The following GALNT13 variants were observed in gnomAD, a reference collection of about 807,000 sequenced individuals.
GALNT13 encodes the protein polypeptide N-acetylgalactosaminyltransferase 13.
GALNT13 carries 28 observed loss-of-function variants against 64.2 expected under a neutral mutation model. The observed-to-expected ratio is 0.44, with a 90% CI of 0.32 to 0.60. GALNT13 has a LOEUF of 0.60. Ranked by LOEUF, GALNT13 falls within the 20% of genes least tolerant of loss-of-function variation. The pLI, the probability that GALNT13 is intolerant of heterozygous loss-of-function variation, is 0.05. For synonymous variants in GALNT13, 214 were observed against 224.6 expected (o/e 0.95, Z 0.42); for missense variants, 577 against 669.8 (o/e 0.86, Z 1.53).
Position 154,213,789 on chromosome 2 carries a change from G to A in GALNT13, c.312-28241G>A, listed in dbSNP as rs190054470. Among the ~76,000 whole-genome samples, 351 of 152,122 alleles carry A rather than the reference G, an allele frequency of 2.3e-3. 3 individuals carry two copies. The highest frequency in any genetic ancestry group is 6.9e-3 in the African/African-American group (288 of 41,506). On this transcript the variant is annotated intron_variant, in intron 4 of 12. Coordinates refer to ENST00000392825, the MANE Select transcript of GALNT13 (RefSeq NM_052917.4). Reference sequence around the variant, plus strand: ...GCTTCAATAACAGGATTGATGAGACGAATAAATATTTATTCATTATTGTTA... The same window carrying A: ...GCTTCAATAACAGGATTGATGAGACAAATAAATATTTATTCATTATTGTTA...
chr2:153,717,390 C>T, the GALNT13 span, among the ~76,000 whole-genome samples: 21 of 152,242 alleles, frequency 1.4e-4, no homozygotes, highest in Non-Finnish European at 2.6e-4. Flanking sequence ...GAGATTTAAG[C>T]ATCTATTGAG....
chr2:154,199,937 A>T, intron 4 of GALNT13, among the ~76,000 whole-genome samples: 1 of 152,016 alleles, frequency 6.6e-6, no homozygotes, highest in Admixed American at 6.6e-5. Context: ...TATATCCTTG[A>T]TTTTATAATT....
At chr2:153,786,293 A>T in the GALNT13 span, among the ~76,000 whole-genome samples, 2 of 151,938 alleles carry the variant, frequency 1.3e-5, no homozygotes, top group African/African-American at 4.8e-5. Context: ...AACAAAGAAC[A>T]AAGTGCGTAG....
chr2:153,166,421 T>TA, the GALNT13 span, among the ~76,000 whole-genome samples: 15 of 152,244 alleles, frequency 9.9e-5, no homozygotes, highest in South Asian at 3.1e-3. Context: ...GGAATTGTAT[T>TA]AAAAAACATT....
At chr2:153,404,755 TAGA>T in the GALNT13 span, among the ~76,000 whole-genome samples, 1 of 152,222 alleles carries the variant, frequency 6.6e-6, no homozygotes, top group African/African-American at 2.4e-5. Flanking sequence ...AATAAATGTA[TAGA>T]AGTATGCATA....
chr2:154,091,054 C>A (rs2105439080), intron 3 of GALNT13, among the ~76,000 whole-genome samples: 1 of 151,766 alleles, frequency 6.6e-6, no homozygotes, highest in South Asian at 2.1e-4. Flanking sequence ...TCTTAAACTG[C>A]ATAAACAGGT....
At chr2:153,148,917 A>G in the GALNT13 span, among the ~76,000 whole-genome samples, 1 of 151,866 alleles carries the variant, frequency 6.6e-6, no homozygotes, top group Non-Finnish European at 1.5e-5. Context: ...AAAGCAGAGA[A>G]GACAGGACTG....
intron 3 of GALNT13, among the ~76,000 whole-genome samples, chr2:154,121,986 A>G (rs567986323): frequency 3.3e-4 from 50 of 152,164 alleles, no homozygotes; most frequent in African/African-American, 9.1e-4. Context: ...GGTTTTTGTA[A>G]ACATTTTTAT....
chr2:153,895,313 AT>A (rs1164519923), intron 1 of GALNT13, among the ~76,000 whole-genome samples: 2 of 151,912 alleles, frequency 1.3e-5, no homozygotes, highest in Admixed American at 6.6e-5. Context: ...TGTAATGACC[AT>A]TTTTTTCTAT....
chr2:154,187,318 C>T (rs2105745444), intron 4 of GALNT13, among the ~76,000 whole-genome samples: 1 of 150,392 alleles, frequency 6.6e-6, no homozygotes. Flanking sequence ...AAATATTCTC[C>T]AGAAACTTCT....
At chr2:154,416,551 C>T (rs1700015007) in intron 11 of GALNT13, among the ~76,000 whole-genome samples, 1 of 152,090 alleles carries the variant, frequency 6.6e-6, no homozygotes, top group Non-Finnish European at 1.5e-5. Flanking sequence ...ATTCATCCAA[C>T]AAAACCTGAT....
chr2:153,676,901 G>GA, the GALNT13 span, among the ~76,000 whole-genome samples: 2 of 151,786 alleles, frequency 1.3e-5, no homozygotes, highest in Non-Finnish European at 2.9e-5. Context: ...AACCATCTAC[G>GA]AAAAAAACAC....
the GALNT13 span, among the ~76,000 whole-genome samples, chr2:153,196,667 G>A: frequency 6.6e-6 from 1 of 152,024 alleles, no homozygotes; most frequent in Non-Finnish European, 1.5e-5. Context: ...AGGGGCTCCA[G>A]GTTCTCACTG....
chr2:153,258,267 C>T, the GALNT13 span, among the ~76,000 whole-genome samples: 4 of 152,194 alleles, frequency 2.6e-5, no homozygotes, highest in Non-Finnish European at 4.4e-5. Flanking sequence ...ACTTTTAAAT[C>T]GAGCTCAGTG....
the GALNT13 span, among the ~76,000 whole-genome samples, chr2:153,824,062 A>G: frequency 6.6e-6 from 1 of 152,198 alleles, no homozygotes; most frequent in African/African-American, 2.4e-5. Flanking sequence ...CAAAACCACA[A>G]TGAGACATTA....
the GALNT13 span, among the ~76,000 whole-genome samples, chr2:153,453,602 A>C: frequency 6.6e-6 from 1 of 152,228 alleles, no homozygotes; most frequent in Non-Finnish European, 1.5e-5. Context: ...TTATTATTAA[A>C]AAGTCAAACA....
At chr2:153,324,177 G>T in the GALNT13 span, among the ~76,000 whole-genome samples, 1 of 152,092 alleles carries the variant, frequency 6.6e-6, no homozygotes. Context: ...CTTGAGCATT[G>T]CTTTGTAGTT....
chr2:153,979,384 A>T (rs1245279375), intron 3 of GALNT13, among the ~76,000 whole-genome samples: 3 of 152,132 alleles, frequency 2.0e-5, no homozygotes, highest in Non-Finnish European at 4.4e-5. Flanking sequence ...CAATATCTGT[A>T]AGTGAACTAG....
the GALNT13 span, among the ~76,000 whole-genome samples, chr2:153,651,206 G>A: frequency 6.6e-6 from 1 of 152,164 alleles, no homozygotes; most frequent in African/African-American, 2.4e-5. Context: ...AGAAGCAGAA[G>A]TGTTGGGATA....
Sources: allele counts gnomAD v4.1 joint callset (sites outside exome capture counted in the v4.1 genomes callset), GRCh38; gene constraint gnomAD v4.1.1; transcripts MANE v1.5; gene names NCBI Gene and HGNC (gene_info 2026-07-23, HGNC 2026-07-21).